Variants in PIEZO2 observed in about 807,000 individuals in gnomAD.
The protein encoded by PIEZO2 is piezo-type mechanosensitive ion channel component 2.
In PIEZO2, 172 loss-of-function variants were observed where a neutral mutation model predicts 337.3. The ratio of observed to expected loss-of-function variants is 0.51; its 90% CI spans 0.45 to 0.58. PIEZO2 has a LOEUF of 0.58. PIEZO2 is among the 20% of genes least tolerant of loss of function. The probability of loss-of-function intolerance (pLI) is 0.00; values close to 1 mark genes in which losing one functional copy is unlikely to be tolerated. For synonymous variants in PIEZO2, 1,251 were observed against 1,228.5 expected (o/e 1.02, Z -0.38); for missense variants, 3,028 against 3,391.3 (o/e 0.89, Z 2.66).
intron 2 of PIEZO2, among the ~76,000 whole-genome samples, chr18:11,039,115 A>G (rs1465424112): frequency 6.6e-6 from 1 of 152,220 alleles, no homozygotes; most frequent in Non-Finnish European, 1.5e-5. Context: ...AGGGAAAGGA[A>G]AGAACAGAAC....
At chr18:11,058,113 A>G (rs960035768) in intron 2 of PIEZO2, among the ~76,000 whole-genome samples, 1 of 152,174 alleles carries the variant, frequency 6.6e-6, no homozygotes, top group African/African-American at 2.4e-5. Flanking sequence ...TATGTTTAAG[A>G]CTGCCCCAAG....
Position 10,761,031 on chromosome 18 carries a change from G to T in PIEZO2, c.3330C>A (p.Asn1110Lys), listed in dbSNP as rs765717332. 3 of 1,537,056 alleles carry T rather than the reference G, an allele frequency of 2.0e-6. No homozygotes were observed. In the South Asian group the frequency reaches 3.6e-5, roughly 18 times the overall value. Reference sequence around the variant, plus strand: ...TAGTTCTAGACACAGGGGCCGTCAGGTTATTTCGACCTCGATAGTATTCCT... The same window carrying T: ...TAGTTCTAGACACAGGGGCCGTCAGTTTATTTCGACCTCGATAGTATTCCT... ...RHQEYYRGRN[N>K]LTAPVSRTIF... Residue 1110 changes from asparagine to lysine, a missense_variant, in exon 24 of 56, where the codon AAC becomes AAA. Asn to Lys is a moderately conservative substitution (Grantham distance 94, BLOSUM62 0). Transcript: ENST00000674853.
At chr18:10,978,487 A>G (rs2034534583) in intron 3 of PIEZO2, among the ~76,000 whole-genome samples, 1 of 152,248 alleles carries the variant, frequency 6.6e-6, no homozygotes, top group Non-Finnish European at 1.5e-5. Context: ...AGGCATTGTT[A>G]TCAAAGGAAC....
Position 10,830,879 on chromosome 18 carries a change from T to C in PIEZO2, c.918-23605A>G, listed in dbSNP as rs1374537078. Among the ~76,000 whole-genome samples, 3 of 152,176 alleles carry C rather than the reference T, an allele frequency of 2.0e-5. No individual in the cohort carries two copies. Among genetic ancestry groups the C allele is most frequent in the African/African-American group, 7.2e-5 (3 of 41,456 alleles). On this transcript the variant is annotated intron_variant, in intron 7 of 55. Transcript: ENST00000674853. This position sits in a 1 kb window ranked among gnomAD's most constrained non-coding sequence, Gnocchi z 4.7. ...GTTAAAAATTTGGTCAAGATCTGAA[T>C]AGACATGTCTCAAAAGAAGACATAC...
At position 11,011,313 on chromosome 18, in the gene PIEZO2, T is replaced by A. The variant is rs116315078; in HGVS notation, c.161-31653A>T. On this transcript the variant is annotated intron_variant, in intron 2 of 55. Coordinates refer to ENST00000674853, the MANE Select transcript of PIEZO2 (RefSeq NM_001378183.1). ...AATTATATTGCCAATAATTAAAAAA[T>A]GTGATGGCATAAAGTTTGCAAATAT... Among the ~76,000 whole-genome samples, 1,302 of 152,360 alleles carry A rather than the reference T, an allele frequency of 8.5e-3. 20 individuals carry two copies. The highest frequency in any genetic ancestry group is 0.029 in the African/African-American group (1,216 of 41,580).
chr18:11,144,082 C>A (rs2040745045), intron 1 of PIEZO2, among the ~76,000 whole-genome samples: 1 of 152,246 alleles, frequency 6.6e-6, no homozygotes, highest in Non-Finnish European at 1.5e-5. Flanking sequence ...CACCATCCTT[C>A]CTCAAAGGTG....
Position 10,828,764 on chromosome 18 carries a change from C to G in PIEZO2, c.918-21490G>C, listed in dbSNP as rs377611332. Among the ~76,000 whole-genome samples, 1 of 152,204 alleles carries G rather than the reference C, an allele frequency of 6.6e-6. No homozygotes were observed. Among genetic ancestry groups the G allele is most frequent in the South Asian group, 2.1e-4 (1 of 4,828 alleles). ...TCTTATAATACATTTCCCTTCCTTA[C>G]TAGCTAATGCCCAGAGCTCCATCTC... On this transcript the variant is annotated intron_variant, in intron 7 of 55. Transcript: ENST00000674853. This position sits in a 1 kb window ranked among gnomAD's most constrained non-coding sequence, Gnocchi z 4.1.
rs777643703 is a variant in PIEZO2, at chr18:10,696,463, C to A, written c.6904G>T (p.Val2302Leu). 5 of 1,614,200 alleles carry A rather than the reference C, an allele frequency of 3.1e-6. No individual in the cohort carries two copies. The highest frequency in any genetic ancestry group is 4.2e-6 in the Non-Finnish European group (5 of 1,180,028). ...IHPEYSAVTD[V>L]YVLMFLADTV... ...TCAGCCAGGAACATGAGTACATACA[C>A]GTCAGTCACGGCGCTATACTCCGGG... The change falls in exon 46 of 56, where the codon GTG becomes TTG. Residue 2302 changes from valine (V) to leucine (L), a missense_variant. Val to Leu is a conservative substitution (Grantham distance 32). This residue lies in a region of PIEZO2 where 1,925 missense variants were observed against 2,051.9 expected (regional missense o/e 0.94). Coordinates refer to ENST00000674853, the MANE Select transcript of PIEZO2 (RefSeq NM_001378183.1).
Position 10,784,914 on chromosome 18 carries a change from A to G in PIEZO2, c.2362T>C (p.Phe788Leu), listed in dbSNP as rs754393582. The stretch of plus-strand genomic sequence containing the variant: ...GAGGTTGGGATGAATATGCGAGTGA[A>G]TAGTTCAGCCACAGTAAACTGCTTT... ...GLKQFTVAEL[F>L]TRIFIPTSFL... The change falls in exon 17 of 56, where the codon TTC (phenylalanine) becomes CTC (leucine). Residue 788 changes from phenylalanine (F) to leucine (L), a missense_variant. Physicochemically the swap from Phe to Leu is conservative, Grantham distance 22 (BLOSUM62 0). This residue lies in a region of PIEZO2 where 1,925 missense variants were observed against 2,051.9 expected (regional missense o/e 0.94). Transcript: ENST00000674853. The surrounding 1 kb of genome is among the most constrained non-coding windows in gnomAD (Gnocchi z 4.5). The G allele has an allele frequency of 5.2e-6, 8 of 1,537,340 alleles. No individual in the cohort carries two copies. The highest frequency in any genetic ancestry group is 7.0e-6 in the Non-Finnish European group (8 of 1,146,894).
chr18:11,127,047 G>A lies in PIEZO2; in HGVS notation c.64+21478C>T, dbSNP rs750928939. ...GGGAGCTTGTTTTCCTGGAACAAACGGTTTAGTTGGAGGAGAGAGAAGGAG... is the reference window on the plus strand; with the variant it reads ...GGGAGCTTGTTTTCCTGGAACAAACAGTTTAGTTGGAGGAGAGAGAAGGAG... On this transcript the variant is annotated intron_variant, in intron 1 of 55. Coordinates refer to ENST00000674853, the MANE Select transcript of PIEZO2 (RefSeq NM_001378183.1). This position sits in a 1 kb window ranked among gnomAD's most constrained non-coding sequence, Gnocchi z 4.5. Among the ~76,000 whole-genome samples the A allele has an allele frequency of 2.0e-5, 3 of 152,128 alleles. No homozygotes were observed. Among genetic ancestry groups the A allele is most frequent in the South Asian group, 2.1e-4 (1 of 4,820 alleles).
At position 11,083,403 on chromosome 18, in the gene PIEZO2, T is replaced by G. The variant is rs180676521; in HGVS notation, c.65-17181A>C. ...TGTTTTCCTTGGTAAATTCTTGGCG[T>G]AGAATGAGAGATCCGAAGGAGTCCA... is the stretch of plus-strand genomic sequence containing the variant. On this transcript the variant is annotated intron_variant, in intron 1 of 55. Transcript: ENST00000674853. This position sits in a 1 kb window ranked among gnomAD's most constrained non-coding sequence, Gnocchi z 4.4. Among the ~76,000 whole-genome samples the G allele has an allele frequency of 6.6e-6, 1 of 152,286 alleles. No individual in the cohort carries two copies. The highest frequency in any genetic ancestry group is 6.5e-5 in the Admixed American group (1 of 15,302).
rs2035812050 is a variant in PIEZO2, at chr18:11,009,133, G to C, written c.161-29473C>G. Reference sequence around the variant, plus strand: ...ACCTACCCTCTTGCTTCATACAATTGGTGATTGTCTCAGGGTAGGAATCCT... The same window carrying C: ...ACCTACCCTCTTGCTTCATACAATTCGTGATTGTCTCAGGGTAGGAATCCT... On this transcript the variant is annotated intron_variant, in intron 2 of 55. Coordinates refer to ENST00000674853, the MANE Select transcript of PIEZO2 (RefSeq NM_001378183.1). This position sits in a 1 kb window ranked among gnomAD's most constrained non-coding sequence, Gnocchi z 4.6. 1.3e-5 allele frequency among the ~76,000 whole-genome samples: 2 copies of C among 152,314 alleles called. No homozygotes were observed. The highest frequency in any genetic ancestry group is 2.9e-5 in the Non-Finnish European group (2 of 68,028).
rs1040102703 is a variant in PIEZO2 at position 10,969,731 on chromosome 18, C to T, written c.286+9804G>A. Among the ~76,000 whole-genome samples the T allele has an allele frequency of 6.6e-6, 1 of 151,924 alleles. No homozygotes were observed. The highest frequency in any genetic ancestry group is 2.4e-5 in the African/African-American group (1 of 41,328). On this transcript the variant is annotated intron_variant, in intron 3 of 55. Coordinates refer to ENST00000674853, the MANE Select transcript of PIEZO2 (RefSeq NM_001378183.1). This position sits in a 1 kb window ranked among gnomAD's most constrained non-coding sequence, Gnocchi z 4.5. ...CTATCTGAGCAGGATTTGGGGTATGCACCTGTAGGAGAGGAGTGAGGGGAC... is the reference window on the plus strand; with the variant it reads ...CTATCTGAGCAGGATTTGGGGTATGTACCTGTAGGAGAGGAGTGAGGGGAC...
At chr18:11,073,549 G>A (rs1005380448) in intron 1 of PIEZO2, among the ~76,000 whole-genome samples, 1 of 151,960 alleles carries the variant, frequency 6.6e-6, no homozygotes, top group African/African-American at 2.4e-5. Context: ...GAGTGTCCCT[G>A]GATGCAGCAA....
rs1323874747 is a variant in PIEZO2 at position 10,962,759 on chromosome 18, C to T, written c.286+16776G>A. On this transcript the variant is annotated intron_variant, in intron 3 of 55. Coordinates refer to ENST00000674853, the MANE Select transcript of PIEZO2 (RefSeq NM_001378183.1). The surrounding 1 kb of genome is among the most constrained non-coding windows in gnomAD (Gnocchi z 4.1). ...CCCCAAGATAAATCCATCATTTAGC[C>T]TCTTTAAATGGAAGGGTCATGGCTG... 6.6e-6 allele frequency among the ~76,000 whole-genome samples: 1 copy of T among 152,106 alleles called. No individual in the cohort carries two copies. Among genetic ancestry groups the T allele is most frequent in the African/African-American group, 2.4e-5 (1 of 41,408 alleles).
intron 7 of PIEZO2, among the ~76,000 whole-genome samples, chr18:10,809,877 G>A (rs1393303012): frequency 6.6e-6 from 1 of 152,126 alleles, no homozygotes; most frequent in Non-Finnish European, 1.5e-5. Flanking sequence ...TGGGTGGTGG[G>A]GATGGGTACT....
At chr18:10,741,166 G>A (rs2144154140) in intron 32 of PIEZO2, 64 bp from the exon 33 acceptor site, 5 of 1,409,462 alleles carry the variant, frequency 3.5e-6, no homozygotes, top group East Asian at 2.5e-5. Context: ...TGAAAACCAC[G>A]CTTTAACAAC....
At position 10,791,424 on chromosome 18, in the gene PIEZO2, A is replaced by G. The variant is rs538110876; in HGVS notation, c.1759-100T>C. 1.6e-5 allele frequency: 21 copies of G among 1,295,636 alleles called. No homozygotes were observed. The South Asian group carries it at 3.2e-4, about 20-fold the overall frequency. 80.3% of individuals were successfully genotyped at this position (1,295,636 alleles called of 1,614,324 possible). The stretch of plus-strand genomic sequence containing the variant: ...TTTCTCCGCATTCCAGTGGGAGCAC[A>G]ATAAATAAACCTTTTTATTGGAGAC... On this transcript the variant is annotated intron_variant, in intron 13 of 55. Coordinates refer to ENST00000674853, the MANE Select transcript of PIEZO2 (RefSeq NM_001378183.1).
intron 7 of PIEZO2, among the ~76,000 whole-genome samples, chr18:10,809,557 C>T (rs1441857520): frequency 1.4e-5 from 2 of 145,902 alleles, no homozygotes; most frequent in African/African-American, 2.6e-5. Context: ...TGTGAGCCAC[C>T]GCACCTGGCA....
Sources: gnomAD v4.1 joint callset for allele counts (sites outside exome capture counted in the v4.1 genomes callset) on GRCh38, gnomAD v4.1.1 for gene constraint, gnomAD v4.1.1 regional missense constraint, Gnocchi (gnomAD v3.1) non-coding constraint, MANE v1.5 for transcripts, NCBI Gene and HGNC (gene_info 2026-07-23, HGNC 2026-07-21) for gene names.